The following CCDC171 variants were observed in gnomAD, a reference collection of about 807,000 sequenced individuals.
CCDC171 encodes the protein coiled-coil domain containing 171.
CCDC171 carries 177 observed loss-of-function variants against 168.2 expected under a neutral mutation model. The ratio of observed to expected loss-of-function variants is 1.05; its 90% CI spans 0.93 to 1.19. The LOEUF is 1.19. CCDC171 is among the 50% of genes most tolerant of loss of function. CCDC171 has a pLI of 0.00. For missense variants in CCDC171, 1,991 were observed against 1,539.0 expected, an observed-to-expected ratio of 1.29 and a Z score of -4.91; for synonymous variants, 687 against 540.8, an observed-to-expected ratio of 1.27 and a Z score of -3.75.
At chr9:15,592,062 G>A (rs2042043629) in intron 5 of CCDC171, among the ~76,000 whole-genome samples, 1 of 151,550 alleles carries the variant, frequency 6.6e-6, no homozygotes, top group Admixed American at 6.6e-5. Context: ...ACTCCCTAAA[G>A]TAAAAGTGAT....
At chr9:15,713,965 T>G (rs1159743138) in intron 11 of CCDC171, among the ~76,000 whole-genome samples, 3 of 151,828 alleles carry the variant, frequency 2.0e-5, no homozygotes, top group African/African-American at 7.3e-5. Context: ...CTGGTTTTGG[T>G]GGTCTTTACT....
At chr9:16,014,801 T>C (rs1449814182) in intron 3 of CCDC171, among the ~76,000 whole-genome samples, 1 of 152,186 alleles carries the variant, frequency 6.6e-6, no homozygotes, top group African/African-American at 2.4e-5. Flanking sequence ...TAGGCTTAAA[T>C]ATTCGGTAAA....
chr9:15,777,534 A>T, intron 18 of CCDC171, 66 bp from the exon 19 acceptor site: 3 of 837,494 alleles, frequency 3.6e-6, no homozygotes, highest in South Asian at 3.4e-5. Context: ...TTATGTGATT[A>T]GCAGTGTTGT....
chr9:16,024,192 G>T (rs1214873854), intron 6 of CCDC171, among the ~76,000 whole-genome samples: 1 of 151,984 alleles, frequency 6.6e-6, no homozygotes, highest in Non-Finnish European at 1.5e-5. Context: ...ACTTATTTTG[G>T]ACTTCTGACC....
At chr9:15,810,202 A>C (rs1340856812) in intron 21 of CCDC171, among the ~76,000 whole-genome samples, 2 of 152,230 alleles carry the variant, frequency 1.3e-5, no homozygotes, top group South Asian at 4.1e-4. Flanking sequence ...GATTAGCTAG[A>C]TACAGAGTGC....
At chr9:15,791,164 C>G (rs1289549490) in intron 21 of CCDC171, among the ~76,000 whole-genome samples, 3 of 152,190 alleles carry the variant, frequency 2.0e-5, no homozygotes, top group African/African-American at 7.2e-5. Flanking sequence ...GGGGATGGCA[C>G]TGAATGTATA....
intron 25 of CCDC171, among the ~76,000 whole-genome samples, chr9:15,923,604 A>G (rs1267372871): frequency 1.3e-5 from 2 of 151,338 alleles, no homozygotes; most frequent in Non-Finnish European, 3.0e-5. Flanking sequence ...ACTATAGTTA[A>G]TAAAGACGTA....
chr9:15,624,183 G>C (rs1410675951), intron 7 of CCDC171, among the ~76,000 whole-genome samples: 5 of 152,056 alleles, frequency 3.3e-5, no homozygotes, highest in Non-Finnish European at 1.5e-5. Flanking sequence ...GGAAGGAAGT[G>C]TGATTCCTAA....
intron 11 of CCDC171, among the ~76,000 whole-genome samples, chr9:15,712,962 C>A (rs575836525): frequency 2.2e-4 from 33 of 152,312 alleles, no homozygotes; most frequent in Admixed American, 1.9e-3. Context: ...TTATTAAGAT[C>A]CTTGTCTACT....
chr9:15,635,969 A>G (rs1014066402), intron 7 of CCDC171, among the ~76,000 whole-genome samples: 1 of 152,130 alleles, frequency 6.6e-6, no homozygotes, highest in African/African-American at 2.4e-5. Context: ...ACTCTTTTAT[A>G]TTACAACCAC....
At chr9:15,648,680 A>T (rs200164135) in intron 7 of CCDC171, among the ~76,000 whole-genome samples, 1 of 152,088 alleles carries the variant, frequency 6.6e-6, no homozygotes, top group Non-Finnish European at 1.5e-5. Flanking sequence ...ACCTAGGAAT[A>T]AACTTACAAG....
At chr9:15,988,522 C>T (rs554591766) in intron 3 of CCDC171, among the ~76,000 whole-genome samples, 1 of 152,324 alleles carries the variant, frequency 6.6e-6, no homozygotes, top group Non-Finnish European at 1.5e-5. Flanking sequence ...GGTGATTTCT[C>T]CATTTCCAAC....
intron 9 of CCDC171, among the ~76,000 whole-genome samples, chr9:15,673,985 T>C (rs1251462409): frequency 6.6e-6 from 1 of 152,176 alleles, no homozygotes; most frequent in Admixed American, 6.6e-5. Flanking sequence ...TGCTGGGCTT[T>C]TTTTTGGTTG....
rs546824130 is a variant in CCDC171 at position 15,708,365 on chromosome 9, G to T, written c.1318+13028G>T. ...GAGTATATATAATACGTAGTCAATA[G>T]AACTGGAATGAAAGTACAATCAGCT... On this transcript the variant is annotated intron_variant, in intron 11 of 25. Transcript: ENST00000380701. Among the ~76,000 whole-genome samples, 92 of 152,232 alleles carry T rather than the reference G, an allele frequency of 6.0e-4. 1 individual carries two copies. Among genetic ancestry groups the T allele is most frequent in the Middle Eastern group, 6.8e-3 (2 of 294 alleles).
intron 25 of CCDC171, among the ~76,000 whole-genome samples, chr9:15,930,202 C>G (rs1483406761): frequency 6.6e-6 from 1 of 151,482 alleles, no homozygotes; most frequent in Non-Finnish European, 1.5e-5. Flanking sequence ...GTTATTGGAC[C>G]TATACTTTGC....
intron 25 of CCDC171, among the ~76,000 whole-genome samples, chr9:15,926,262 A>G (rs1198877261): frequency 6.6e-6 from 1 of 151,694 alleles, no homozygotes; most frequent in East Asian, 1.9e-4. Flanking sequence ...TGTTTAATGA[A>G]TGAAATTATC....
intron 3 of CCDC171, among the ~76,000 whole-genome samples, chr9:15,985,363 C>T (rs1589297332): frequency 1.3e-5 from 2 of 152,158 alleles, no homozygotes; most frequent in African/African-American, 4.8e-5. Context: ...TACTTCCTTC[C>T]ATTCAGTTGC....
In CCDC171 at chr9:15,649,532, G is replaced by T. The variant is rs183717720; in HGVS notation, c.823-7595G>T. Among the ~76,000 whole-genome samples, 118 of 152,206 alleles carry T rather than the reference G, an allele frequency of 7.8e-4. 1 individual carries two copies. The highest frequency in any genetic ancestry group is 2.6e-3 in the African/African-American group (110 of 41,520). ...AGGGCTAATATCCAGAATCTACAAT[G>T]AACTCAAACAAATTTACAAGAAAAA... On this transcript the variant is annotated intron_variant, in intron 7 of 25. Coordinates refer to ENST00000380701, the MANE Select transcript of CCDC171 (RefSeq NM_173550.4).
chr9:15,638,259 T>C (rs2046348472), intron 7 of CCDC171, among the ~76,000 whole-genome samples: 1 of 152,206 alleles, frequency 6.6e-6, no homozygotes, highest in South Asian at 2.1e-4. Flanking sequence ...TTTTAAAAGC[T>C]TTGCTTTATA....
Sources: allele counts gnomAD v4.1 joint callset (sites outside exome capture counted in the v4.1 genomes callset), GRCh38; gene constraint gnomAD v4.1.1; transcripts MANE v1.5; gene names NCBI Gene and HGNC (gene_info 2026-07-23, HGNC 2026-07-21).